Variants in KIAA0040 observed in about 807,000 individuals in gnomAD.
KIAA0040 encodes the protein KIAA0040.
Under a neutral mutation model 7.2 loss-of-function variants are expected in KIAA0040, and 10 were observed. That is an observed-to-expected ratio of 1.38 (90% CI 0.85 to 2.34). KIAA0040 has a LOEUF of 2.34. Among genes scored for constraint, KIAA0040 ranks in the 30% most tolerant of loss-of-function variants. The pLI, the probability that KIAA0040 is intolerant of heterozygous loss-of-function variation, is 0.00. For synonymous variants in KIAA0040, 49 were observed against 40.1 expected, an observed-to-expected ratio of 1.22 and a Z score of -0.84; for missense variants, 89 against 108.2, an observed-to-expected ratio of 0.82 and a Z score of 0.79.
At chr1:175,174,420 A>G (rs1677100300) in intron 2 of KIAA0040, among the ~76,000 whole-genome samples, 1 of 152,236 alleles carries the variant, frequency 6.6e-6, no homozygotes, top group Non-Finnish European at 1.5e-5. Context: ...TCCTAGTCCC[A>G]GTTCAGTTGT....
intron 2 of KIAA0040, among the ~76,000 whole-genome samples, chr1:175,173,693 C>T (rs965527108): frequency 2.0e-5 from 3 of 152,220 alleles, no homozygotes; most frequent in Non-Finnish European, 4.4e-5. Flanking sequence ...ACGTGCGTCA[C>T]ACCCTGTGGG....
chr1:175,172,376 C>T (rs1445897243), intron 2 of KIAA0040, among the ~76,000 whole-genome samples: 1 of 152,102 alleles, frequency 6.6e-6, no homozygotes, highest in Non-Finnish European at 1.5e-5. Flanking sequence ...AGAATTTTGC[C>T]AGCCTGGGCA....
chr1:175,178,117 C>T lies in KIAA0040; in HGVS notation c.-383-433G>A, dbSNP rs542919845. ...ACCACTCCTAAATCCCCTCTACAAC[C>T]AGGCCAGCCCCTTCACCTACTTGTG... On this transcript the variant is annotated intron_variant, in intron 1 of 3. Transcript: ENST00000423313. 2.6e-5 allele frequency among the ~76,000 whole-genome samples: 4 copies of T among 152,348 alleles called. No homozygotes were observed. The South Asian group carries it at 8.3e-4, about 32-fold the overall frequency.
chr1:175,181,823 G>T lies in KIAA0040; in HGVS notation c.-383-4139C>A, dbSNP rs533300620. ...GTTTAAAGGCAGCAGGGACGGGAAA[G>T]AAAGGTGATTCCAGGCTGCTCAAGA... is the stretch of plus-strand genomic sequence containing the variant. On this transcript the variant is annotated intron_variant, in intron 1 of 3. Coordinates refer to ENST00000423313, the MANE Select transcript of KIAA0040 (RefSeq NM_014656.3). Among the ~76,000 whole-genome samples, 4 of 152,354 alleles carry T rather than the reference G, an allele frequency of 2.6e-5. No homozygotes were observed. In the South Asian group the frequency reaches 6.2e-4, roughly 24 times the overall value.
chr1:175,174,552 C>T (rs1206708090), intron 2 of KIAA0040, among the ~76,000 whole-genome samples: 1 of 152,168 alleles, frequency 6.6e-6, no homozygotes, highest in Non-Finnish European at 1.5e-5. Flanking sequence ...ACAGACAAGA[C>T]ATGTGGAAGA....
Position 175,160,654 on chromosome 1 carries a change from C to G in KIAA0040, c.*60G>C. 2 of 1,432,836 alleles carry G rather than the reference C, an allele frequency of 1.4e-6. No individual in the cohort carries two copies. Among genetic ancestry groups the G allele is most frequent in the South Asian group, 2.9e-5 (2 of 68,846 alleles). The allele number at this position is 1,432,836 out of a possible 1,614,324, so 88.8% of individuals were successfully genotyped here. A position where few individuals can be genotyped will look rare whatever the true frequency, so the allele number is the denominator to read the frequency against. ...ATTATTTCAGGGGTTCCTGAAATGT[C>G]TGTGTGTGGTCAGAAGGAGGCTTAG... On this transcript the variant is annotated 3_prime_UTR_variant, in exon 4 of 4. Coordinates refer to ENST00000423313, the MANE Select transcript of KIAA0040 (RefSeq NM_014656.3).
intron 1 of KIAA0040, among the ~76,000 whole-genome samples, chr1:175,184,190 A>C (rs1044866420): frequency 1.3e-5 from 2 of 152,216 alleles, no homozygotes; most frequent in Non-Finnish European, 2.9e-5. Flanking sequence ...CTGCCAACTG[A>C]GATGAATTGG....
intron 1 of KIAA0040, among the ~76,000 whole-genome samples, chr1:175,183,221 T>C (rs761769936): frequency 1.6e-4 from 24 of 152,220 alleles, no homozygotes; most frequent in Non-Finnish European, 3.5e-4. Flanking sequence ...GCTTTCCCAC[T>C]TGACATTAAG....
chr1:175,179,684 C>A (rs1162122142), intron 1 of KIAA0040, among the ~76,000 whole-genome samples: 3 of 152,164 alleles, frequency 2.0e-5, no homozygotes, highest in African/African-American at 7.2e-5. Context: ...AATGAATATC[C>A]TACACTTACA....
chr1:175,173,460 C>T (rs367777225), intron 2 of KIAA0040, among the ~76,000 whole-genome samples: 1 of 152,130 alleles, frequency 6.6e-6, no homozygotes, highest in Non-Finnish European at 1.5e-5. Flanking sequence ...TTTCTATGCC[C>T]ATCCTACAGA....
At chr1:175,164,021 G>A (rs2101878282) in intron 3 of KIAA0040, among the ~76,000 whole-genome samples, 1 of 152,322 alleles carries the variant, frequency 6.6e-6, no homozygotes, top group East Asian at 1.9e-4. Flanking sequence ...ACATGAGCAG[G>A]AGAACAGGGG....
At chr1:175,175,249 T>C (rs1241955334) in intron 2 of KIAA0040, among the ~76,000 whole-genome samples, 1 of 152,160 alleles carries the variant, frequency 6.6e-6, no homozygotes, top group East Asian at 1.9e-4. Flanking sequence ...TGCATAATTC[T>C]ATGCAGCCAA....
intron 3 of KIAA0040, among the ~76,000 whole-genome samples, chr1:175,162,294 T>C (rs1208557137): frequency 6.6e-6 from 1 of 152,052 alleles, no homozygotes; most frequent in Non-Finnish European, 1.5e-5. Flanking sequence ...GGATGGACAC[T>C]CCAGAGATCA....
intron 1 of KIAA0040, among the ~76,000 whole-genome samples, chr1:175,181,607 T>C (rs1334769465): frequency 2.6e-5 from 4 of 152,228 alleles, no homozygotes; most frequent in Admixed American, 2.6e-4. Flanking sequence ...AGGAATTTAC[T>C]TTTTTGTTGT....
Position 175,160,674 on chromosome 1 carries a change from G to T in KIAA0040, c.*40C>A. 2 of 1,505,134 alleles carry T rather than the reference G, an allele frequency of 1.3e-6. No individual in the cohort carries two copies. Among genetic ancestry groups the T allele is most frequent in the Non-Finnish European group, 1.8e-6 (2 of 1,126,106 alleles). The allele number at this position is 1,505,134 out of a possible 1,614,324, so 93.2% of individuals were successfully genotyped here. On this transcript the variant is annotated 3_prime_UTR_variant, in exon 4 of 4. Transcript: ENST00000423313. ...AATGTCTGTGTGTGGTCAGAAGGAG[G>T]CTTAGCCCCAGAAAGGAAACACCTC...
intron 1 of KIAA0040, among the ~76,000 whole-genome samples, chr1:175,190,132 C>A (rs1375506697): frequency 6.6e-6 from 1 of 152,194 alleles, no homozygotes; most frequent in Non-Finnish European, 1.5e-5. Context: ...TACAACTGAA[C>A]TAAGTATTAA....
Position 175,166,354 on chromosome 1 carries a change from T to C in KIAA0040, c.-134+208A>G, listed in dbSNP as rs191936008. On this transcript the variant is annotated intron_variant, in intron 3 of 3. Transcript: ENST00000423313. ...GTTAAAAATACAGATTCCTGCAGCC[T>C]GCTCCTGGAGACTCTGATTCAGTCG... is the stretch of plus-strand genomic sequence containing the variant. Among the ~76,000 whole-genome samples, 5 of 152,294 alleles carry C rather than the reference T, an allele frequency of 3.3e-5. No individual in the cohort carries two copies. In the East Asian group the frequency reaches 9.6e-4, roughly 29 times the overall value.
intron 2 of KIAA0040, among the ~76,000 whole-genome samples, chr1:175,175,046 G>A (rs959567302): frequency 5.9e-5 from 9 of 152,138 alleles, no homozygotes; most frequent in Non-Finnish European, 1.0e-4. Flanking sequence ...AGTTAGGAGC[G>A]GTTGAGTGGG....
At chr1:175,187,266 A>C (rs551470841) in intron 1 of KIAA0040, among the ~76,000 whole-genome samples, 5 of 152,194 alleles carry the variant, frequency 3.3e-5, no homozygotes, top group Non-Finnish European at 7.3e-5. Context: ...ATGCACACTG[A>C]AAATCTGTGG....
Sources: gnomAD v4.1 joint callset for allele counts (sites outside exome capture counted in the v4.1 genomes callset) on GRCh38, gnomAD v4.1.1 for gene constraint, MANE v1.5 for transcripts, NCBI Gene and HGNC (gene_info 2026-07-23, HGNC 2026-07-21) for gene names.